Variants in HMOX2 observed in about 807,000 individuals in gnomAD.
HMOX2 encodes heme oxygenase (decycling) 2.
Under a neutral mutation model 33.7 loss-of-function variants are expected in HMOX2, and 30 were observed. That is an observed-to-expected ratio of 0.89 (90% CI 0.67 to 1.21). The LOEUF (loss-of-function observed/expected upper bound fraction) is 1.21. Among genes scored for constraint, HMOX2 ranks in the 50% most tolerant of loss-of-function variants. The pLI, the probability that HMOX2 is intolerant of heterozygous loss-of-function variation, is 0.00. For missense variants in HMOX2, 403 were observed against 399.1 expected (o/e 1.01, Z -0.08); for synonymous variants, 155 against 155.0 (o/e 1.00, Z 0.00).
At chr16:4,495,586 G>A (rs867124027) in intron 1 of HMOX2, 1 of 152,176 alleles carries the variant, frequency 6.6e-6, no homozygotes, top group Non-Finnish European at 1.5e-5. Flanking sequence ...GAGCCACCTT[G>A]TTCGATTGAC....
chr16:4,476,081 G>C (rs1338479498), upstream of HMOX2: 1 of 152,226 alleles, frequency 6.6e-6, no homozygotes, highest in Non-Finnish European at 1.5e-5. Context: ...TGACCAAGTG[G>C]GTGGTGCCAC....
intron 3 of HMOX2, among the ~76,000 whole-genome samples, chr16:4,507,313 C>T (rs980610139): frequency 6.6e-6 from 1 of 151,892 alleles, no homozygotes; most frequent in Non-Finnish European, 1.5e-5. Flanking sequence ...GGTGTGGTGG[C>T]GCGTGCCTGT....
At chr16:4,487,471 G>A (rs939392164) in intron 1 of HMOX2, among the ~76,000 whole-genome samples, 1 of 151,684 alleles carries the variant, frequency 6.6e-6, no homozygotes, top group African/African-American at 2.4e-5. Context: ...GGGAGTTTGA[G>A]ACCAGCCTGA....
At chr16:4,482,095 A>G (rs1389660359) in intron 1 of HMOX2, among the ~76,000 whole-genome samples, 1 of 152,222 alleles carries the variant, frequency 6.6e-6, no homozygotes, top group East Asian at 1.9e-4. Context: ...AATAGCAGGT[A>G]TCCCAGTAAT....
chr16:4,480,576 C>T (rs1045719414), intron 1 of HMOX2, among the ~76,000 whole-genome samples: 15 of 149,754 alleles, frequency 1.0e-4, no homozygotes, highest in African/African-American at 3.2e-4. Context: ...AACTCCTGAC[C>T]TCAAGTGGTC....
intron 1 of HMOX2, among the ~76,000 whole-genome samples, chr16:4,477,311 C>T (rs1371494904): frequency 6.6e-6 from 1 of 151,334 alleles, no homozygotes; most frequent in Non-Finnish European, 1.5e-5. Flanking sequence ...CCAGCCTGGC[C>T]AACATAGTGA....
chr16:4,498,571 G>A (rs1299384978), intron 1 of HMOX2, among the ~76,000 whole-genome samples: 1 of 151,862 alleles, frequency 6.6e-6, no homozygotes, highest in Non-Finnish European at 1.5e-5. Flanking sequence ...GACAAGGTCT[G>A]ACTGTGTTGC....
intron 1 of HMOX2, among the ~76,000 whole-genome samples, chr16:4,484,805 A>G (rs902612334): frequency 2.6e-5 from 4 of 152,166 alleles, no homozygotes; most frequent in Non-Finnish European, 4.4e-5. Context: ...CATATAACCT[A>G]TGCATATCTT....
chr16:4,507,881 G>C lies in HMOX2; in HGVS notation c.373G>C (p.Val125Leu). ...YFFGENWEEQ[V>L]QCPKAAQKYV... ...CTTTGGTGAAAACTGGGAGGAGCAGGTGCAGTGCCCCAAGGCTGCCCAGAA... is the reference window on the plus strand; with the variant it reads ...CTTTGGTGAAAACTGGGAGGAGCAGCTGCAGTGCCCCAAGGCTGCCCAGAA... The change falls in exon 4 of 6, where the codon GTG becomes CTG. Residue 125 changes from valine to leucine, a missense_variant. Coordinates refer to ENST00000570646, the MANE Select transcript of HMOX2 (RefSeq NM_002134.4). The C allele has an allele frequency of 6.2e-7, 1 of 1,614,198 alleles. No homozygotes were observed.
At chr16:4,477,117 G>A (rs980182263) in intron 1 of HMOX2, among the ~76,000 whole-genome samples, 2 of 152,058 alleles carry the variant, frequency 1.3e-5, no homozygotes, top group Non-Finnish European at 2.9e-5. Flanking sequence ...CTTTCTGAGC[G>A]CAGTGCTCTG....
intron 1 of HMOX2, among the ~76,000 whole-genome samples, chr16:4,504,507 C>T (rs1220789919): frequency 4.1e-5 from 6 of 145,406 alleles, no homozygotes; most frequent in African/African-American, 7.6e-5. Context: ...ATTACAGGCA[C>T]GCGCCACCAC....
rs1402202708 is a variant in HMOX2 at position 4,507,791 on chromosome 16, G to T, written c.283G>T (p.Ala95Ser). ...GCGCAACAAGGACCATCCAGCCTTT[G>T]CCCCTTTGTACTTCCCCATGGAGCT... ...MERNKDHPAF[A>S]PLYFPMELHR... Residue 95 changes from alanine to serine, a missense_variant, in exon 4 of 6, where the codon GCC becomes TCC. Ala to Ser is a moderately conservative substitution (Grantham distance 99). Transcript: ENST00000570646. 1.2e-6 allele frequency: 2 copies of T among 1,614,062 alleles called. No homozygotes were observed. The highest frequency in any genetic ancestry group is 2.7e-5 in the African/African-American group (2 of 74,924).
At chr16:4,492,005 T>C (rs575961234) in intron 1 of HMOX2, among the ~76,000 whole-genome samples, 1 of 152,014 alleles carries the variant, frequency 6.6e-6, no homozygotes, top group East Asian at 1.9e-4. Context: ...AAACAAAAAA[T>C]GGAAATATCA....
chr16:4,489,923 A>G (rs2058265432), intron 1 of HMOX2, among the ~76,000 whole-genome samples: 1 of 152,146 alleles, frequency 6.6e-6, no homozygotes. Flanking sequence ...TTATTCTTAT[A>G]TCTGAGATTC....
intron 1 of HMOX2, among the ~76,000 whole-genome samples, chr16:4,494,895 A>G (rs1280682596): frequency 6.6e-6 from 1 of 151,880 alleles, no homozygotes; most frequent in African/African-American, 2.4e-5. Context: ...AAGTTTGGCC[A>G]GGCATGGTGG....
intron 3 of HMOX2, among the ~76,000 whole-genome samples, chr16:4,507,460 A>C (rs2058723085): frequency 6.6e-6 from 1 of 152,120 alleles, no homozygotes; most frequent in African/African-American, 2.4e-5. Flanking sequence ...AAAAAAAAAA[A>C]AAATTGGTTC....
chr16:4,483,960 C>G (rs987576194), intron 1 of HMOX2, among the ~76,000 whole-genome samples: 2 of 144,920 alleles, frequency 1.4e-5, no homozygotes, highest in African/African-American at 5.1e-5. Flanking sequence ...CACACCCGTG[C>G]ATATGCCCAA....
intron 1 of HMOX2, among the ~76,000 whole-genome samples, chr16:4,486,793 C>G (rs142279270): frequency 6.6e-6 from 1 of 152,190 alleles, no homozygotes; most frequent in Non-Finnish European, 1.5e-5. Flanking sequence ...AATTGAATAT[C>G]TTATGTCTCC....
chr16:4,509,829 A>G lies in HMOX2; in HGVS notation c.*73A>G, dbSNP rs931593873. On this transcript the variant is annotated 3_prime_UTR_variant, in exon 6 of 6. Transcript: ENST00000570646. ...CCTACCCCTTTCTCCAGCCCTGACT[A>G]AACTACCACCTCAGGTGACTTTTTA... The G allele has an allele frequency of 1.3e-6, 2 of 1,504,198 alleles. No homozygotes were observed. The highest frequency in any genetic ancestry group is 1.4e-5 in the African/African-American group (1 of 72,040). 93.2% of individuals were successfully genotyped at this position (1,504,198 alleles called of 1,614,324 possible).
Sources: gnomAD v4.1 joint callset for allele counts (sites outside exome capture counted in the v4.1 genomes callset) on GRCh38, gnomAD v4.1.1 for gene constraint, MANE v1.5 for transcripts, NCBI Gene and HGNC (gene_info 2026-07-23, HGNC 2026-07-21) for gene names.